CTNNA1: variants seen among roughly 807,000 people sequenced by gnomAD.
CTNNA1 encodes the protein catenin alpha 1.
Under a neutral mutation model 98.4 loss-of-function variants are expected in CTNNA1, and 37 were observed. The ratio of observed to expected loss-of-function variants is 0.38; its 90% CI spans 0.29 to 0.49. The LOEUF (loss-of-function observed/expected upper bound fraction) is 0.49, where lower values mean the gene tolerates loss of function less well. CTNNA1 is among the 20% of genes least tolerant of loss of function. CTNNA1 has a pLI of 0.95. For synonymous variants in CTNNA1, 404 were observed against 413.2 expected (o/e 0.98, Z 0.27); for missense variants, 761 against 1,147.2 (o/e 0.66, Z 4.86).
intron 1 of CTNNA1, among the ~76,000 whole-genome samples, chr5:138,773,786 T>C (rs977349926): frequency 6.6e-6 from 1 of 151,788 alleles, no homozygotes; most frequent in Non-Finnish European, 1.5e-5. Flanking sequence ...TCATGGCTCA[T>C]TGCAGCCTCC....
chr5:138,920,473 A>G (rs1159706070), intron 11 of CTNNA1, among the ~76,000 whole-genome samples: 2 of 152,206 alleles, frequency 1.3e-5, no homozygotes, highest in Non-Finnish European at 2.9e-5. Flanking sequence ...TGGTGGACCC[A>G]TAGTGAGATG....
Position 138,934,152 on chromosome 5 carries a change from T to G in CTNNA1, c.*63T>G. 1.5e-6 allele frequency: 2 copies of G among 1,293,924 alleles called. No individual in the cohort carries two copies. The highest frequency in any genetic ancestry group is 2.2e-6 in the Non-Finnish European group (2 of 921,480). The allele number at this position is 1,293,924 out of a possible 1,614,324, so 80.2% of individuals were successfully genotyped here. A position where few individuals can be genotyped will look rare whatever the true frequency, so the allele number is the denominator to read the frequency against. ...CTGAATATCAGTCACTGTTCGTCAC[T>G]CAAATGAATTTGCTAAATACAACAC... On this transcript the variant is annotated 3_prime_UTR_variant, in exon 18 of 18. Coordinates refer to ENST00000302763, the MANE Select transcript of CTNNA1 (RefSeq NM_001903.5).
At chr5:138,896,204 C>A (rs1389468142) in intron 9 of CTNNA1, among the ~76,000 whole-genome samples, 1 of 152,142 alleles carries the variant, frequency 6.6e-6, no homozygotes, top group African/African-American at 2.4e-5. Flanking sequence ...GTCAGGGAGT[C>A]TGTGTGGTGC....
chr5:138,811,206 G>A (rs1251959038), intron 4 of CTNNA1, among the ~76,000 whole-genome samples: 7 of 146,342 alleles, frequency 4.8e-5, no homozygotes, highest in Admixed American at 2.0e-4. Flanking sequence ...CAGACGGGGC[G>A]GCCGGGCAGA....
intron 1 of CTNNA1, among the ~76,000 whole-genome samples, chr5:138,770,930 G>A (rs1308989928): frequency 2.0e-5 from 3 of 146,590 alleles, no homozygotes; most frequent in African/African-American, 5.0e-5. Context: ...CAGCTTGGGC[G>A]ACAGAGCGAG....
intron 10 of CTNNA1, chr5:138,904,928 A>C (rs1045411357): frequency 1.4e-4 from 21 of 151,226 alleles, no homozygotes; most frequent in African/African-American, 5.1e-4. Context: ...CCCCGTCTCT[A>C]CTAAAAAAAA....
intron 13 of CTNNA1, 81 bp downstream of exon 13, chr5:138,925,488 C>A: frequency 1.3e-6 from 2 of 1,518,522 alleles, no homozygotes; most frequent in South Asian, 1.3e-5. Context: ...TTCTAGAACT[C>A]GGCAGATGCG....
chr5:138,864,424 C>G (rs755183138), intron 7 of CTNNA1, among the ~76,000 whole-genome samples: 32 of 152,226 alleles, frequency 2.1e-4, no homozygotes, highest in Middle Eastern at 3.4e-3. Context: ...ACAGTAATAG[C>G]CTACTGTTTT....
chr5:138,931,080 T>C (rs1190989181), intron 16 of CTNNA1, 145 bp downstream of exon 16: 5 of 633,516 alleles, frequency 7.9e-6, no homozygotes, highest in African/African-American at 1.8e-5. Context: ...CCAGCATAGA[T>C]TTGTAAGGAT....
chr5:138,801,809 T>C (rs2149707199), intron 3 of CTNNA1, among the ~76,000 whole-genome samples: 1 of 152,328 alleles, frequency 6.6e-6, no homozygotes, highest in Non-Finnish European at 1.5e-5. Context: ...TGAAAAGTGA[T>C]AGACCTGGAA....
rs1468899740 is a variant in CTNNA1, at chr5:138,874,893, A to G, written c.1063-11319A>G. The G allele has an allele frequency of 4.3e-6, 7 of 1,611,626 alleles. No individual in the cohort carries two copies. Among genetic ancestry groups the G allele is most frequent in the Non-Finnish European group, 5.9e-6 (7 of 1,178,604 alleles). ...CCTTGTTGAATGTACAAGACATATA[A>G]ATGCACAGACTTACCCATTCTTCTG... On this transcript the variant is annotated intron_variant, in intron 7 of 17. Transcript: ENST00000302763. This position sits in a 1 kb window ranked among gnomAD's most constrained non-coding sequence, Gnocchi z 4.1.
intron 5 of CTNNA1, among the ~76,000 whole-genome samples, chr5:138,815,314 C>T (rs146624265): frequency 2.6e-5 from 4 of 152,148 alleles, no homozygotes; most frequent in Non-Finnish European, 5.9e-5. Flanking sequence ...GGATAATCTT[C>T]TGTTTGCCCT....
chr5:138,833,655 T>C (rs1352374395), intron 7 of CTNNA1, among the ~76,000 whole-genome samples: 2 of 152,214 alleles, frequency 1.3e-5, no homozygotes, highest in Admixed American at 1.3e-4. Flanking sequence ...TTCTAACCAA[T>C]AAGTAACCAA....
chr5:138,770,459 C>G (rs1042997522), intron 1 of CTNNA1, among the ~76,000 whole-genome samples: 2 of 152,176 alleles, frequency 1.3e-5, no homozygotes, highest in Non-Finnish European at 2.9e-5. Context: ...TCACTTCACC[C>G]CAGGAGCTTG....
At chr5:138,840,800 C>T (rs534803693) in intron 7 of CTNNA1, among the ~76,000 whole-genome samples, 1 of 151,630 alleles carries the variant, frequency 6.6e-6, no homozygotes, top group East Asian at 1.9e-4. Flanking sequence ...GTGACTAGGG[C>T]AGTTAAGGAT....
chr5:138,874,810 A>C lies in CTNNA1; in HGVS notation c.1063-11402A>C. 2 of 1,214,946 alleles carry C rather than the reference A, an allele frequency of 1.6e-6. No individual in the cohort carries two copies. Among genetic ancestry groups the C allele is most frequent in the Non-Finnish European group, 2.4e-6 (2 of 836,776 alleles). 75.3% of individuals were successfully genotyped at this position (1,214,946 alleles called of 1,614,324 possible). ...TTACCTAAACCTCAAAATCCAAAAT[A>C]TGATGGTGATTTCCCTCATAAAATG... On this transcript the variant is annotated intron_variant, in intron 7 of 17. Coordinates refer to ENST00000302763, the MANE Select transcript of CTNNA1 (RefSeq NM_001903.5). This position sits in a 1 kb window ranked among gnomAD's most constrained non-coding sequence, Gnocchi z 4.1.
chr5:138,778,366 A>G (rs1282049402), intron 1 of CTNNA1, among the ~76,000 whole-genome samples: 1 of 152,182 alleles, frequency 6.6e-6, no homozygotes, highest in Non-Finnish European at 1.5e-5. Context: ...ATGTTGCCTC[A>G]TGACTAGTTG....
intron 7 of CTNNA1, among the ~76,000 whole-genome samples, chr5:138,859,675 GC>G (rs1764080220): frequency 3.3e-5 from 5 of 152,154 alleles, no homozygotes; most frequent in Admixed American, 3.3e-4. Flanking sequence ...TGTAATCCCA[GC>G]ACTTTAGGGT....
In CTNNA1 at chr5:138,874,312, G is replaced by A. The variant is rs1219938619; in HGVS notation, c.1063-11900G>A. On this transcript the variant is annotated intron_variant, in intron 7 of 17. Coordinates refer to ENST00000302763, the MANE Select transcript of CTNNA1 (RefSeq NM_001903.5). The surrounding 1 kb of genome is among the most constrained non-coding windows in gnomAD (Gnocchi z 4.1). ...AGTGGAGCCAAGTAAGTTGACTGAA[G>A]CTGGCAAATTGATCTCTTTCGAGCT... 5 of 1,614,030 alleles carry A rather than the reference G, an allele frequency of 3.1e-6. No individual in the cohort carries two copies. In the South Asian group the frequency reaches 5.5e-5, roughly 18 times the overall value.
Sources: allele counts gnomAD v4.1 joint callset (sites outside exome capture counted in the v4.1 genomes callset), GRCh38; gene constraint gnomAD v4.1.1; non-coding constraint Gnocchi (gnomAD v3.1); transcripts MANE v1.5; gene names NCBI Gene and HGNC (gene_info 2026-07-23, HGNC 2026-07-21).